NPAT: variants seen among roughly 807,000 people sequenced by gnomAD.
NPAT encodes the protein nuclear protein, coactivator of histone transcription.
A neutral mutation model predicts 130.7 loss-of-function variants in NPAT; 52 were observed. The observed-to-expected ratio is 0.40, with a 90% confidence interval of 0.32 to 0.50. The LOEUF (loss-of-function observed/expected upper bound fraction) is 0.50. NPAT is among the 20% of genes least tolerant of loss of function. The pLI, the probability that NPAT is intolerant of heterozygous loss-of-function variation, is 0.68. For synonymous variants in NPAT, 580 were observed against 584.8 expected (o/e 0.99, Z 0.12); for missense variants, 1,687 against 1,662.6 (o/e 1.01, Z -0.26).
intron 8 of NPAT, 39 bp from the exon 9 acceptor site, chr11:108,185,533 G>A: frequency 8.0e-7 from 1 of 1,244,312 alleles, no homozygotes; most frequent in South Asian, 1.2e-5. Context: ...GGACAATAAA[G>A]AGTATTCTGC....
intron 1 of NPAT, among the ~76,000 whole-genome samples, chr11:108,201,617 A>AGTAACCTTGTCACAGCAAGGTTACTT: frequency 6.6e-6 from 1 of 152,366 alleles, no homozygotes; most frequent in Middle Eastern, 3.4e-3. Flanking sequence ...GCCTCCGGGC[A>AGTAACCTTGTCACAGCAAGGTTACTT]GTCACAGCAG....
chr11:108,188,171 C>A lies in NPAT; in HGVS notation c.565G>T (p.Ala189Ser). 1 of 1,612,832 alleles carries A rather than the reference C, an allele frequency of 6.2e-7. No homozygotes were observed. Among genetic ancestry groups the A allele is most frequent in the Non-Finnish European group, 8.5e-7 (1 of 1,179,222 alleles). Residue 189 changes from alanine to serine, a missense_variant, in exon 7 of 18, where the codon GCT becomes TCT. Coordinates refer to ENST00000278612, the MANE Select transcript of NPAT (RefSeq NM_002519.3). The stretch of plus-strand genomic sequence containing the variant: ...TGAGCACCAGGAATGACATTTAAAG[C>A]TTCTCCAGCTGTATTTCAAGAAAAC... ...QSQDTVTTGE[A>S]LNVIPGAQEK...
intron 1 of NPAT, among the ~76,000 whole-genome samples, chr11:108,200,317 T>C (rs1225904492): frequency 6.6e-6 from 1 of 152,176 alleles, no homozygotes; most frequent in East Asian, 1.9e-4. Context: ...AGGAAAGCCT[T>C]TAATCTGATA....
Position 108,192,195 on chromosome 11 carries a change from A to G in NPAT, c.218-5T>C. The G allele has an allele frequency of 6.3e-7, 1 of 1,581,498 alleles. No homozygotes were observed. On this transcript the variant is annotated splice_polypyrimidine_tract_variant and splice_region_variant and intron_variant, in intron 3 of 17. Transcript: ENST00000278612. ...CTGGGACATTATTTGATGTTTCTAA[A>G]TCATAGGAGAAAAGGTTCTTAATAA...
At chr11:108,168,722 C>T (rs536404240) in intron 15 of NPAT, among the ~76,000 whole-genome samples, 1 of 152,158 alleles carries the variant, frequency 6.6e-6, no homozygotes, top group South Asian at 2.1e-4. Flanking sequence ...TAAATAAGAA[C>T]CAGATTGAGG....
intron 5 of NPAT, among the ~76,000 whole-genome samples, chr11:108,189,558 G>A (rs1188291790): frequency 6.6e-6 from 1 of 152,164 alleles, no homozygotes; most frequent in East Asian, 1.9e-4. Context: ...AATTAATATT[G>A]ATAACACCAT....
At chr11:108,219,631 G>A (rs2078465312) in intron 1 of NPAT, among the ~76,000 whole-genome samples, 2 of 152,126 alleles carry the variant, frequency 1.3e-5, no homozygotes, top group Non-Finnish European at 2.9e-5. Flanking sequence ...AACCAAGTAA[G>A]TTTCAAATTG....
chr11:108,193,674 G>C (rs2078192459), intron 3 of NPAT, among the ~76,000 whole-genome samples: 1 of 152,022 alleles, frequency 6.6e-6, no homozygotes, highest in Non-Finnish European at 1.5e-5. Flanking sequence ...GCAGTGAGCT[G>C]AGATTACGCC....
At chr11:108,193,935 A>C in intron 3 of NPAT, 22 bp downstream of exon 3, 1 of 1,463,346 alleles carries the variant, frequency 6.8e-7, no homozygotes, top group Non-Finnish European at 9.6e-7. Flanking sequence ...TCAGCAAAAA[A>C]ACTCCAAATC....
rs2078110212 is a variant in NPAT at position 108,186,573 on chromosome 11, A to C, written c.639-4T>G. The C allele has an allele frequency of 1.2e-6, 2 of 1,611,722 alleles. No homozygotes were observed. Among genetic ancestry groups the C allele is most frequent in the Non-Finnish European group, 1.7e-6 (2 of 1,177,926 alleles). On this transcript the variant is annotated splice_polypyrimidine_tract_variant and splice_region_variant and intron_variant, in intron 7 of 17. Coordinates refer to ENST00000278612, the MANE Select transcript of NPAT (RefSeq NM_002519.3). ...GGTACTTTTTCTCTGAGATTCACTG[A>C]AACACATTTTAAAAGCTTTTCTTTT...
chr11:108,221,907 T>A lies in NPAT; in HGVS notation c.37+593A>T, dbSNP rs2078508809. Reference sequence around the variant, plus strand: ...TAAGGCAATTAACCCTCTGAAATTTTTCGCTGATCAAAGGAACAGGAATTG... The same window carrying A: ...TAAGGCAATTAACCCTCTGAAATTTATCGCTGATCAAAGGAACAGGAATTG... On this transcript the variant is annotated intron_variant, in intron 1 of 17. Transcript: ENST00000278612. Among the ~76,000 whole-genome samples, 3 of 152,212 alleles carry A rather than the reference T, an allele frequency of 2.0e-5. No homozygotes were observed. In the South Asian group the frequency reaches 6.2e-4, roughly 32 times the overall value.
At chr11:108,220,098 A>G (rs1441427005) in intron 1 of NPAT, among the ~76,000 whole-genome samples, 3 of 152,246 alleles carry the variant, frequency 2.0e-5, no homozygotes, top group African/African-American at 7.2e-5. Flanking sequence ...GGTAGGTAGG[A>G]TCAGTTCCAC....
At chr11:108,166,426 C>T (rs1206231446) in intron 15 of NPAT, among the ~76,000 whole-genome samples, 2 of 151,992 alleles carry the variant, frequency 1.3e-5, no homozygotes, top group Non-Finnish European at 2.9e-5. Flanking sequence ...ATCCTTTATC[C>T]TAATGTCATA....
At position 108,216,717 on chromosome 11, in the gene NPAT, T is replaced by G. The variant is rs573345036; in HGVS notation, c.37+5783A>C. 3.3e-5 allele frequency among the ~76,000 whole-genome samples: 5 copies of G among 152,314 alleles called. No individual in the cohort carries two copies. The East Asian group carries it at 9.6e-4, about 29-fold the overall frequency. On this transcript the variant is annotated intron_variant, in intron 1 of 17. Coordinates refer to ENST00000278612, the MANE Select transcript of NPAT (RefSeq NM_002519.3). Reference sequence around the variant, plus strand: ...ATTATACCTCTGTATAGCACACACATGAGATGGGGCTGTTAAAAGCTAGAT... The same window carrying G: ...ATTATACCTCTGTATAGCACACACAGGAGATGGGGCTGTTAAAAGCTAGAT...
intron 1 of NPAT, among the ~76,000 whole-genome samples, chr11:108,202,141 C>T (rs2078280930): frequency 6.6e-6 from 1 of 152,170 alleles, no homozygotes; most frequent in South Asian, 2.1e-4. Context: ...GTATACTTTC[C>T]TAGTCCTCCC....
At chr11:108,209,579 C>T (rs1280805207) in intron 1 of NPAT, among the ~76,000 whole-genome samples, 2 of 151,978 alleles carry the variant, frequency 1.3e-5, no homozygotes, top group African/African-American at 4.8e-5. Context: ...AAACAAAAAC[C>T]TTAAAATTTA....
intron 1 of NPAT, among the ~76,000 whole-genome samples, chr11:108,217,961 C>T (rs1417857089): frequency 3.3e-5 from 5 of 152,130 alleles, no homozygotes; most frequent in African/African-American, 1.2e-4. Flanking sequence ...CTGCTGCACC[C>T]AGCCTGGATG....
chr11:108,169,766 T>C lies in NPAT; in HGVS notation c.2988A>G (p.Gly996=). ...PVPPKSQKAQ[G]LRNKPCIGKQ... is the part of the protein sequence containing the mutation. The stretch of plus-strand genomic sequence containing the variant: ...TACCTATACAAGGCTTGTTTCTTAG[T>C]CCCTGAGCCTTCTGAGATTTTGGAG... Residue 996 remains glycine (G), a synonymous_variant, in exon 15 of 18, where the codon GGA becomes GGG. Coordinates refer to ENST00000278612, the MANE Select transcript of NPAT (RefSeq NM_002519.3). 6.2e-7 allele frequency: 1 copy of C among 1,612,370 alleles called. No individual in the cohort carries two copies. The highest frequency in any genetic ancestry group is 8.5e-7 in the Non-Finnish European group (1 of 1,178,366).
In NPAT at chr11:108,198,347, G is replaced by C. The variant is rs148876979; in HGVS notation, c.38-927C>G. Among the ~76,000 whole-genome samples, 381 of 152,268 alleles carry C rather than the reference G, an allele frequency of 2.5e-3. 2 individuals are homozygous for C. Among genetic ancestry groups the C allele is most frequent in the African/African-American group, 8.6e-3 (356 of 41,554 alleles). ...TCAAAAAACCAAAAATCTGCCTAGG[G>C]AAATCCAGACATTAGACTTGAGACT... On this transcript the variant is annotated intron_variant, in intron 1 of 17. Coordinates refer to ENST00000278612, the MANE Select transcript of NPAT (RefSeq NM_002519.3).
Sources: allele counts gnomAD v4.1 joint callset (sites outside exome capture counted in the v4.1 genomes callset), GRCh38; gene constraint gnomAD v4.1.1; transcripts MANE v1.5; gene names NCBI Gene and HGNC (gene_info 2026-07-23, HGNC 2026-07-21).